HIVEP3: variants seen among roughly 807,000 people sequenced by gnomAD.
HIVEP3 encodes the protein transcription factor HIVEP3.
Under a neutral mutation model 152.8 loss-of-function variants are expected in HIVEP3, and 49 were observed. The ratio of observed to expected loss-of-function variants is 0.32; its 90% CI spans 0.26 to 0.41. The LOEUF (loss-of-function observed/expected upper bound fraction) is 0.41, where lower values mean the gene tolerates loss of function less well. Ranked by LOEUF, HIVEP3 falls within the 10% of genes least tolerant of loss-of-function variation. The pLI, the probability that HIVEP3 is intolerant of heterozygous loss-of-function variation, is 1.00. For synonymous variants in HIVEP3, 1,269 were observed against 1,289.0 expected, an observed-to-expected ratio of 0.98 and a Z score of 0.33; for missense variants, 2,790 against 3,103.3, an observed-to-expected ratio of 0.90 and a Z score of 2.40.
chr1:41,705,578 C>G (rs1242445374), intron 1 of HIVEP3, among the ~76,000 whole-genome samples: 1 of 152,160 alleles, frequency 6.6e-6, no homozygotes, highest in Non-Finnish European at 1.5e-5. Flanking sequence ...AAGCAAAATC[C>G]AGATGTAAAA....
intron 5 of HIVEP3, among the ~76,000 whole-genome samples, chr1:41,538,792 A>ACCCAGAAGC (rs59800234): frequency 0.85 from 128,392 of 151,776 alleles, 54,971 homozygotes; most frequent in Non-Finnish European, 0.9. Context: ...GCAGGCAGGA[A>ACCCAGAAGC]TGGGTTGAAA....
At chr1:41,562,550 C>CTTCCTTCCTTCT (rs1644084113) in intron 5 of HIVEP3, among the ~76,000 whole-genome samples, 1 of 134,622 alleles carries the variant, frequency 7.4e-6, no homozygotes, top group African/African-American at 2.9e-5. Flanking sequence ...TCCTTCCTTC[C>CTTCCTTCCTTCT]TTCCTTCTTT....
intron 1 of HIVEP3, among the ~76,000 whole-genome samples, chr1:41,945,415 T>C (rs1032933390): frequency 1.3e-5 from 2 of 152,222 alleles, no homozygotes; most frequent in South Asian, 2.1e-4. Context: ...ATAACCCTGA[T>C]GGCTATATTG....
intron 1 of HIVEP3, among the ~76,000 whole-genome samples, chr1:42,015,791 C>T (rs1368264415): frequency 2.6e-5 from 4 of 152,258 alleles, no homozygotes; most frequent in Non-Finnish European, 4.4e-5. Context: ...GGGGATGTGC[C>T]ATCACTAAGA....
rs1303788885 is a variant in HIVEP3 at position 41,700,976 on chromosome 1, G to C, written c.-781C>G. 1.0e-6 allele frequency: 1 copy of C among 985,210 alleles called. No homozygotes were observed. Among genetic ancestry groups the C allele is most frequent in the Non-Finnish European group, 1.2e-6 (1 of 829,822 alleles). The allele number at this position is 985,210 out of a possible 1,614,324, so 61.0% of individuals were successfully genotyped here. A position where few individuals can be genotyped will look rare whatever the true frequency, so the allele number is the denominator to read the frequency against. On this transcript the variant is annotated 5_prime_UTR_variant, in exon 2 of 9. Coordinates refer to ENST00000372583, the MANE Select transcript of HIVEP3 (RefSeq NM_024503.5). ...GTGTCAGAGATTTCTAGAGCTTGGA[G>C]AACTGTGTTGGAGGGAGGCCTGTGG...
At chr1:42,002,261 C>A (rs1360857524) in intron 1 of HIVEP3, among the ~76,000 whole-genome samples, 1 of 152,124 alleles carries the variant, frequency 6.6e-6, no homozygotes, top group African/African-American at 2.4e-5. Context: ...TCAGCAGATA[C>A]CTTCAGAACA....
intron 1 of HIVEP3, among the ~76,000 whole-genome samples, chr1:41,756,575 A>G (rs1245917462): frequency 1.3e-5 from 2 of 152,242 alleles, no homozygotes; most frequent in Admixed American, 1.3e-4. Context: ...GTGGGAACTT[A>G]GAACAAACCT....
intron 1 of HIVEP3, among the ~76,000 whole-genome samples, chr1:41,860,407 C>A (rs902245198): frequency 1.3e-5 from 2 of 152,138 alleles, no homozygotes; most frequent in African/African-American, 4.8e-5. Flanking sequence ...TAACTTTTTT[C>A]CCTGCTTTGC....
Position 41,513,043 on chromosome 1 carries a change from C to A in HIVEP3, c.6178G>T (p.Asp2060Tyr). 3.1e-6 allele frequency: 5 copies of A among 1,613,692 alleles called. No individual in the cohort carries two copies. Among genetic ancestry groups the A allele is most frequent in the Non-Finnish European group, 4.2e-6 (5 of 1,179,876 alleles). Residue 2060 changes from aspartate to tyrosine, a missense_variant, in exon 8 of 9, where the codon GAC becomes TAC. Transcript: ENST00000372583. ...GGCGAGTATCTGGGGAGGCCTGGGT[C>A]GGTGGTACCCTCGAGTTTGGAGAGC... ...HVLSKLEGTT[D>Y]PGLPRYSPTR...
intron 2 of HIVEP3, 96 bp from the exon 3 acceptor site, chr1:41,629,043 C>A: frequency 1.1e-6 from 1 of 902,350 alleles, no homozygotes; most frequent in Non-Finnish European, 1.4e-6. Context: ...AGGACACACC[C>A]CCCAACTACT....
At chr1:41,963,058 C>G (rs1462097297) in intron 1 of HIVEP3, among the ~76,000 whole-genome samples, 2 of 152,154 alleles carry the variant, frequency 1.3e-5, no homozygotes, top group African/African-American at 4.8e-5. Context: ...GTCACCCAGG[C>G]TGGAGTGCAG....
intron 1 of HIVEP3, among the ~76,000 whole-genome samples, chr1:41,720,980 G>A (rs1646665515): frequency 6.6e-6 from 1 of 152,206 alleles, no homozygotes; most frequent in South Asian, 2.1e-4. Context: ...TAGACGTAGT[G>A]TCTAAAATAG....
chr1:41,884,206 T>G (rs1054911517), intron 1 of HIVEP3, among the ~76,000 whole-genome samples: 2 of 152,184 alleles, frequency 1.3e-5, no homozygotes, highest in African/African-American at 4.8e-5. Context: ...TCTCAAGTGA[T>G]CCACCCACCT....
chr1:41,530,916 G>A (rs997777872), intron 5 of HIVEP3, among the ~76,000 whole-genome samples: 5 of 152,206 alleles, frequency 3.3e-5, no homozygotes, highest in Non-Finnish European at 7.3e-5. Flanking sequence ...CTTGGGGCGG[G>A]GTGTACACAA....
chr1:41,896,597 C>G (rs1317972287), intron 1 of HIVEP3, among the ~76,000 whole-genome samples: 1 of 146,004 alleles, frequency 6.8e-6, no homozygotes, highest in Non-Finnish European at 1.5e-5. Flanking sequence ...TTTTTTGAGA[C>G]GGAGTGTCAC....
chr1:41,671,727 T>C (rs1312785985), intron 2 of HIVEP3, among the ~76,000 whole-genome samples: 1 of 152,140 alleles, frequency 6.6e-6, no homozygotes, highest in African/African-American at 2.4e-5. Context: ...GAAGAATTCA[T>C]CCCAGGTGAG....
chr1:41,937,722 T>A (rs1645026652), intron 1 of HIVEP3, among the ~76,000 whole-genome samples: 1 of 152,218 alleles, frequency 6.6e-6, no homozygotes, highest in Non-Finnish European at 1.5e-5. Context: ...GGCCTGAGGG[T>A]ATCCCTGGTC....
chr1:41,813,063 G>A (rs1337083737), intron 1 of HIVEP3, among the ~76,000 whole-genome samples: 2 of 152,098 alleles, frequency 1.3e-5, no homozygotes, highest in African/African-American at 4.8e-5. Flanking sequence ...TTTTGAGATG[G>A]AGTCTTGCTC....
chr1:41,871,749 G>T (rs1644083857), intron 1 of HIVEP3, among the ~76,000 whole-genome samples: 1 of 152,138 alleles, frequency 6.6e-6, no homozygotes, highest in Non-Finnish European at 1.5e-5. Context: ...TCTTATCAAT[G>T]ATTTCATAGA....
Sources: gnomAD v4.1 joint callset for allele counts (sites outside exome capture counted in the v4.1 genomes callset) on GRCh38, gnomAD v4.1.1 for gene constraint, MANE v1.5 for transcripts, NCBI Gene and HGNC (gene_info 2026-07-23, HGNC 2026-07-21) for gene names.